KIAA0513: variants seen among roughly 807,000 people sequenced by gnomAD.
KIAA0513 encodes the protein KIAA0513, also known as uncharacterized protein KIAA0513.
In KIAA0513, 39 loss-of-function variants were observed where a neutral mutation model predicts 56.5. The ratio of observed to expected loss-of-function variants is 0.69; its 90% CI spans 0.53 to 0.90. The LOEUF (loss-of-function observed/expected upper bound fraction) is 0.90, where lower values mean the gene tolerates loss of function less well. Ranked by LOEUF, KIAA0513 falls within the 40% of genes least tolerant of loss-of-function variation. KIAA0513 has a pLI of 0.00. For synonymous variants in KIAA0513, 268 were observed against 215.6 expected, an observed-to-expected ratio of 1.24 and a Z score of -2.13; for missense variants, 591 against 535.2, an observed-to-expected ratio of 1.10 and a Z score of -1.03.
chr16:85,033,325 A>G (rs1157619949), intron 1 of KIAA0513, among the ~76,000 whole-genome samples: 1 of 152,180 alleles, frequency 6.6e-6, no homozygotes, highest in African/African-American at 2.4e-5. Flanking sequence ...CAGGGATGCC[A>G]CAGCTGCTTC....
chr16:85,087,884 C>T (rs2073827747), intron 12 of KIAA0513, among the ~76,000 whole-genome samples: 1 of 152,260 alleles, frequency 6.6e-6, no homozygotes, highest in African/African-American at 2.4e-5. Flanking sequence ...CCCCACCTCA[C>T]TAGCAAAGGG....
At chr16:85,037,073 G>T (rs1164410977) in intron 1 of KIAA0513, among the ~76,000 whole-genome samples, 1 of 152,132 alleles carries the variant, frequency 6.6e-6, no homozygotes, top group African/African-American at 2.4e-5. Flanking sequence ...AAGAAGGAAA[G>T]GAGAGAGAAG....
chr16:85,080,028 G>A (rs1327612637), intron 8 of KIAA0513, among the ~76,000 whole-genome samples: 1 of 152,178 alleles, frequency 6.6e-6, no homozygotes, highest in African/African-American at 2.4e-5. Flanking sequence ...ACAGTTGGCT[G>A]TGGTGCATTT....
Position 85,088,329 on chromosome 16 carries a change from C to G in KIAA0513, c.*4C>G. ...TGAGCAAATGGCCACTGAGTAGGCC[C>G]CAGAGGTCGCACTCCGCAGGAGGAC... On this transcript the variant is annotated 3_prime_UTR_variant, in exon 13 of 13. Transcript: ENST00000683363. The G allele has an allele frequency of 1.9e-6, 3 of 1,608,872 alleles. No homozygotes were observed. Among genetic ancestry groups the G allele is most frequent in the South Asian group, 1.1e-5 (1 of 91,068 alleles).
intron 1 of KIAA0513, among the ~76,000 whole-genome samples, chr16:85,051,910 T>A (rs1031008550): frequency 6.6e-6 from 1 of 151,640 alleles, no homozygotes; most frequent in Non-Finnish European, 1.5e-5. Flanking sequence ...AGCCTCAGCC[T>A]CCCAAAGTGC....
rs2073658395 is a variant in KIAA0513, at chr16:85,076,543, G to C, written c.574+629G>C. On this transcript the variant is annotated intron_variant, in intron 5 of 12. Coordinates refer to ENST00000683363, the MANE Select transcript of KIAA0513 (RefSeq NM_001388359.1). This position sits in a 1 kb window ranked among gnomAD's most constrained non-coding sequence, Gnocchi z 4.7. ...GGAGGTTGCTGGAAGCCTCCTCGTGGACTGGAGCTAGGTCAGGGAGGTGCT... is the reference window on the plus strand; with the variant it reads ...GGAGGTTGCTGGAAGCCTCCTCGTGCACTGGAGCTAGGTCAGGGAGGTGCT... Among the ~76,000 whole-genome samples, 1 of 152,190 alleles carries C rather than the reference G, an allele frequency of 6.6e-6. No homozygotes were observed. Among genetic ancestry groups the C allele is most frequent in the Non-Finnish European group, 1.5e-5 (1 of 68,012 alleles).
In KIAA0513 at chr16:85,075,928, G is replaced by A. The variant is rs756012414; in HGVS notation, c.574+14G>A. ...ACTACCACATCGGTAAGACATGGGT[G>A]GGCTGATGTGGGGCTCACCTGAGGC... On this transcript the variant is annotated intron_variant, in intron 5 of 12. Transcript: ENST00000683363. 1.3e-6 allele frequency: 2 copies of A among 1,590,046 alleles called. No individual in the cohort carries two copies. The highest frequency in any genetic ancestry group is 1.7e-4 in the Middle Eastern group (1 of 6,042).
chr16:85,078,885 C>G (rs1395560791), intron 7 of KIAA0513, 40 bp from the exon 8 acceptor site: 13 of 1,611,552 alleles, frequency 8.1e-6, no homozygotes, highest in Non-Finnish European at 9.3e-6. Flanking sequence ...AGTGGGTGCG[C>G]AACCAGAGCT....
chr16:85,064,402 T>G (rs942037140), intron 1 of KIAA0513, among the ~76,000 whole-genome samples: 2 of 152,242 alleles, frequency 1.3e-5, no homozygotes, highest in African/African-American at 2.4e-5. Context: ...TGTAAGTTTT[T>G]GTGTGTTTTG....
chr16:85,065,767 C>T lies in KIAA0513; in HGVS notation c.-172-1133C>T, dbSNP rs551970840. Among the ~76,000 whole-genome samples the T allele has an allele frequency of 3.3e-5, 5 of 152,268 alleles. No individual in the cohort carries two copies. The South Asian group carries it at 8.3e-4, about 25-fold the overall frequency. ...CTGCTCTGAGGGGCTGTCAGGAGGG[C>T]GTCTCCTTCCCGCCTAGCTGTCTGC... On this transcript the variant is annotated intron_variant, in intron 1 of 12. Transcript: ENST00000683363.
chr16:85,030,038 G>A (rs551537024), intron 1 of KIAA0513, among the ~76,000 whole-genome samples: 3 of 152,274 alleles, frequency 2.0e-5, no homozygotes, highest in African/African-American at 7.2e-5. Flanking sequence ...GATCCGGGTG[G>A]TTTGTGCCTC....
In KIAA0513 at chr16:85,081,281, T is replaced by C. The variant is rs781520935; in HGVS notation, c.903-34T>C. 9.3e-6 allele frequency: 15 copies of C among 1,607,970 alleles called. No individual in the cohort carries two copies. Among genetic ancestry groups the C allele is most frequent in the Admixed American group, 1.7e-5 (1 of 59,960 alleles). On this transcript the variant is annotated intron_variant, in intron 8 of 12. Transcript: ENST00000683363. The surrounding 1 kb of genome is among the most constrained non-coding windows in gnomAD (Gnocchi z 4.4). Reference sequence around the variant, plus strand: ...CAACCCGTGTCCTCCCCGCCTCCCCTTGGAGAGAGTGTGACTGGGGCTCTG... The same window carrying C: ...CAACCCGTGTCCTCCCCGCCTCCCCCTGGAGAGAGTGTGACTGGGGCTCTG...
At chr16:85,075,671 G>C (rs924645022) in intron 4 of KIAA0513, among the ~76,000 whole-genome samples, 173 bp from the exon 5 acceptor site, 1 of 152,230 alleles carries the variant, frequency 6.6e-6, no homozygotes, top group Non-Finnish European at 1.5e-5. Context: ...GTCCCAGGCC[G>C]TGTGCCTACG....
chr16:85,078,728 T>G (rs1360846003), intron 7 of KIAA0513, among the ~76,000 whole-genome samples, 197 bp from the exon 8 acceptor site: 1 of 152,210 alleles, frequency 6.6e-6, no homozygotes, highest in African/African-American at 2.4e-5. Context: ...GAACCATCCC[T>G]CAGAAGAAGT....
At chr16:85,080,192 G>A (rs754451438) in intron 8 of KIAA0513, among the ~76,000 whole-genome samples, 1 of 152,212 alleles carries the variant, frequency 6.6e-6, no homozygotes, top group African/African-American at 2.4e-5. Context: ...ACGGGGAGAA[G>A]CTGGCCCGCT....
intron 5 of KIAA0513, 31 bp downstream of exon 5, chr16:85,075,945 A>G (rs778283335): frequency 3.9e-6 from 6 of 1,525,328 alleles, no homozygotes; most frequent in Non-Finnish European, 5.5e-6. Flanking sequence ...TGTGGGGCTC[A>G]CCTGAGGCTA....
At chr16:85,048,746 A>T (rs554228577) in intron 1 of KIAA0513, among the ~76,000 whole-genome samples, 2 of 152,320 alleles carry the variant, frequency 1.3e-5, no homozygotes, top group Admixed American at 6.5e-5. Flanking sequence ...TGTGTCTCCA[A>T]ATTCTACTAA....
chr16:85,061,003 A>G (rs945190371), intron 1 of KIAA0513, among the ~76,000 whole-genome samples: 13 of 152,024 alleles, frequency 8.6e-5, no homozygotes, highest in African/African-American at 1.4e-4. Context: ...AAAATACAAA[A>G]TTAGCCCAGC....
At position 85,093,515 on chromosome 16, in the gene KIAA0513, G is replaced by C. The variant is rs1262869238; in HGVS notation, c.*5190G>C. 1.1e-4 allele frequency: 17 copies of C among 152,656 alleles called. No homozygotes were observed. The highest frequency in any genetic ancestry group is 3.6e-4 in the African/African-American group (15 of 41,438). 9.5% of individuals were successfully genotyped at this position (152,656 alleles called of 1,614,324 possible). On this transcript the variant is annotated 3_prime_UTR_variant, in exon 13 of 13. Coordinates refer to ENST00000683363, the MANE Select transcript of KIAA0513 (RefSeq NM_001388359.1). ...AAGGGACTTTGCACTTTAAAAAGGGGATGCCTGTCAGTAAATCCCCTGTGC... is the reference window on the plus strand; with the variant it reads ...AAGGGACTTTGCACTTTAAAAAGGGCATGCCTGTCAGTAAATCCCCTGTGC...
Sources: allele counts gnomAD v4.1 joint callset (sites outside exome capture counted in the v4.1 genomes callset), GRCh38; gene constraint gnomAD v4.1.1; non-coding constraint Gnocchi (gnomAD v3.1); transcripts MANE v1.5; gene names NCBI Gene and HGNC (gene_info 2026-07-23, HGNC 2026-07-21).